Variants in SLC14A2 observed in about 807,000 individuals in gnomAD.
SLC14A2 encodes the protein solute carrier family 14 member 2, also known as urea transporter 2.
SLC14A2 carries 91 observed loss-of-function variants against 104.6 expected under a neutral mutation model. The ratio of observed to expected loss-of-function variants is 0.87; its 90% CI spans 0.73 to 1.04. The LOEUF (loss-of-function observed/expected upper bound fraction) is 1.04, where lower values mean the gene tolerates loss of function less well. Ranked by LOEUF, SLC14A2 falls within the 50% of genes least tolerant of loss-of-function variation. SLC14A2 has a pLI of 0.00. For synonymous variants in SLC14A2, 476 were observed against 466.4 expected (o/e 1.02, Z -0.27); for missense variants, 1,189 against 1,156.0 (o/e 1.03, Z -0.41).
At chr18:45,546,757 C>A (rs1004715257) in intron 2 of SLC14A2, among the ~76,000 whole-genome samples, 1 of 152,158 alleles carries the variant, frequency 6.6e-6, no homozygotes, top group African/African-American at 2.4e-5. Context: ...ATAGGACCTA[C>A]CTCATGAGGT....
Position 45,596,076 on chromosome 18 carries a change from C to T in SLC14A2, c.-34-28555C>T, listed in dbSNP as rs142158838. On this transcript the variant is annotated intron_variant, in intron 2 of 20. Coordinates refer to the SLC14A2 transcript ENST00000586448. ...GCATCTGTTCCATAAAGACCCTCCC[C>T]TTCCTCTGTTCACAAGGCACCTCTC... Among the ~76,000 whole-genome samples, 1,103 of 152,330 alleles carry T rather than the reference C, an allele frequency of 7.2e-3. 11 individuals carry two copies. The highest frequency in any genetic ancestry group is 0.025 in the African/African-American group (1,029 of 41,558).
Position 45,445,390 on chromosome 18 carries a change from G to A in SLC14A2, c.-124-37843G>A, listed in dbSNP as rs553440552. On this transcript the variant is annotated intron_variant, in intron 1 of 20. Coordinates refer to the SLC14A2 transcript ENST00000586448. ...CTTCCAAAGTGCTGGGATTACAGGC[G>A]TGAGCCACCAAGCCTGGCCTGACAC... Among the ~76,000 whole-genome samples, 39 of 152,262 alleles carry A rather than the reference G, an allele frequency of 2.6e-4. 1 individual carries two copies. The South Asian group carries it at 6.6e-3, about 26-fold the overall frequency.
rs903867529 is a variant in SLC14A2, at chr18:45,516,828, G to T, written c.-35+33506G>T. 2.6e-5 allele frequency among the ~76,000 whole-genome samples: 4 copies of T among 152,152 alleles called. No homozygotes were observed. In the South Asian group the frequency reaches 6.2e-4, roughly 24 times the overall value. ...CTCAGCTTCAAGATTAACCAGTGGG[G>T]GTTAAGTTAGTGTTGGGGGCACCAG... On this transcript the variant is annotated intron_variant, in intron 2 of 20. Transcript: ENST00000586448.
intron 1 of SLC14A2, among the ~76,000 whole-genome samples, chr18:45,473,641 T>C (rs942272064): frequency 6.6e-6 from 1 of 152,238 alleles, no homozygotes; most frequent in Non-Finnish European, 1.5e-5. Flanking sequence ...TTTGTAGCAG[T>C]TGCGAACAGG....
chr18:45,504,024 C>CT (rs2043243461), intron 2 of SLC14A2, among the ~76,000 whole-genome samples: 1 of 152,180 alleles, frequency 6.6e-6, no homozygotes, highest in Non-Finnish European at 1.5e-5. Flanking sequence ...CTTGCTATGG[C>CT]TAAAGTGCAC....
intron 2 of SLC14A2, among the ~76,000 whole-genome samples, chr18:45,592,416 A>T (rs2044661298): frequency 6.6e-6 from 1 of 152,120 alleles, no homozygotes; most frequent in South Asian, 2.1e-4. Flanking sequence ...TTGCATTTCC[A>T]CCTGGAGGTT....
intron 2 of SLC14A2, among the ~76,000 whole-genome samples, chr18:45,522,005 G>A (rs1177558835): frequency 1.3e-5 from 2 of 152,170 alleles, no homozygotes; most frequent in African/African-American, 2.4e-5. Flanking sequence ...GTGCTGGACT[G>A]GGAGTCAGCA....
At chr18:45,288,272 C>T (rs2084835031) in intron 1 of SLC14A2, among the ~76,000 whole-genome samples, 1 of 152,170 alleles carries the variant, frequency 6.6e-6, no homozygotes, top group Non-Finnish European at 1.5e-5. Flanking sequence ...CATATCCTCC[C>T]AGTGATTAAT....
At chr18:45,267,064 T>A (rs750760166) in intron 1 of SLC14A2, among the ~76,000 whole-genome samples, 4 of 152,184 alleles carry the variant, frequency 2.6e-5, no homozygotes, top group Non-Finnish European at 5.9e-5. Flanking sequence ...TAGTAATGCA[T>A]TCTCCTCATG....
chr18:45,510,661 G>A (rs1226922812), intron 2 of SLC14A2, among the ~76,000 whole-genome samples: 1 of 148,996 alleles, frequency 6.7e-6, no homozygotes, highest in Non-Finnish European at 1.5e-5. Context: ...CCCATACTTG[G>A]GTTTCTACCC....
chr18:45,446,848 G>A (rs563986132), intron 1 of SLC14A2, among the ~76,000 whole-genome samples: 62 of 152,114 alleles, frequency 4.1e-4, no homozygotes, highest in Non-Finnish European at 7.8e-4. Context: ...AATAGGAAAT[G>A]GGAAGAGAGG....
chr18:45,218,371 C>CT (rs1211287870), intron 1 of SLC14A2, among the ~76,000 whole-genome samples: 69 of 152,302 alleles, frequency 4.5e-4, no homozygotes, highest in African/African-American at 1.6e-3. Flanking sequence ...GAATAATATT[C>CT]TATTGTATGC....
chr18:45,650,128 T>C lies in SLC14A2; in HGVS notation c.1351+5968T>C, dbSNP rs184685554. ...TGTTATTCTTCACAATTTTTATCAT[T>C]TGTATTTTGGCTCTGCTTTGAGATA... On this transcript the variant is annotated intron_variant, in intron 10 of 19. Transcript: ENST00000255226. Among the ~76,000 whole-genome samples the C allele has an allele frequency of 4.6e-5, 7 of 151,240 alleles. No homozygotes were observed. In the East Asian group the frequency reaches 1.4e-3, roughly 30 times the overall value.
intron 1 of SLC14A2, among the ~76,000 whole-genome samples, chr18:45,247,486 G>T (rs1314810477): frequency 6.6e-6 from 1 of 152,124 alleles, no homozygotes; most frequent in Admixed American, 6.5e-5. Context: ...ATTTAGATGT[G>T]GGAGAGAGAT....
At chr18:45,501,791 C>A (rs2043203335) in intron 2 of SLC14A2, among the ~76,000 whole-genome samples, 1 of 152,208 alleles carries the variant, frequency 6.6e-6, no homozygotes, top group Admixed American at 6.5e-5. Context: ...AGAGCTACAT[C>A]TTCCCATGGT....
intron 1 of SLC14A2, among the ~76,000 whole-genome samples, chr18:45,222,918 A>C (rs1462567458): frequency 6.6e-6 from 1 of 152,122 alleles, no homozygotes; most frequent in African/African-American, 2.4e-5. Context: ...CTGAGGCCGC[A>C]GAAAACCCTT....
At chr18:45,372,456 C>T (rs16978354) in intron 1 of SLC14A2, among the ~76,000 whole-genome samples, 7,043 of 152,202 alleles carry the variant, frequency 0.046, 209 homozygotes, top group South Asian at 0.08. Flanking sequence ...TAAGGTCAGA[C>T]TGAGGATGGC....
intron 2 of SLC14A2, among the ~76,000 whole-genome samples, chr18:45,537,602 C>T (rs1221544472): frequency 6.6e-6 from 1 of 152,134 alleles, no homozygotes; most frequent in Non-Finnish European, 1.5e-5. Flanking sequence ...ATTTAAGGAC[C>T]GTAGCCTTTT....
At chr18:45,577,763 C>T (rs574618230) in intron 2 of SLC14A2, among the ~76,000 whole-genome samples, 74 of 152,252 alleles carry the variant, frequency 4.9e-4, no homozygotes, top group Middle Eastern at 6.8e-3. Flanking sequence ...TCAAAGTTCA[C>T]AGGCCAAAAT....
Sources: gnomAD v4.1 joint callset for allele counts (sites outside exome capture counted in the v4.1 genomes callset) on GRCh38, gnomAD v4.1.1 for gene constraint, MANE v1.5 for transcripts, NCBI Gene and HGNC (gene_info 2026-07-23, HGNC 2026-07-21) for gene names.